The following CHPT1 variants were observed in gnomAD, a reference collection of about 807,000 sequenced individuals.
CHPT1 encodes the protein cholinephosphotransferase 1.
A neutral mutation model predicts 47.6 loss-of-function variants in CHPT1; 36 were observed. The observed-to-expected ratio is 0.76, with a 90% CI of 0.58 to 1.00. The LOEUF is 1.00. CHPT1 is among the 50% of genes least tolerant of loss of function. The probability of loss-of-function intolerance (pLI) is 0.00; values close to 1 mark genes in which losing one functional copy is unlikely to be tolerated. For synonymous variants in CHPT1, 194 were observed against 186.3 expected (o/e 1.04, Z -0.33); for missense variants, 458 against 498.1 (o/e 0.92, Z 0.77).
chr12:101,707,067 G>A (rs903196579), intron 1 of CHPT1, among the ~76,000 whole-genome samples: 1 of 152,170 alleles, frequency 6.6e-6, no homozygotes, highest in African/African-American at 2.4e-5. Flanking sequence ...TTTGTAGAAG[G>A]TGTATTTTTA....
At chr12:101,717,473 G>A (rs1217957761) in intron 4 of CHPT1, 1 of 307,368 alleles carries the variant, frequency 3.3e-6, no homozygotes, top group Non-Finnish European at 6.5e-6. Flanking sequence ...GATATCAATA[G>A]TCAACAACTA....
intron 8 of CHPT1, 69 bp from the exon 9 acceptor site, chr12:101,728,832 C>A (rs1952048918): frequency 1.3e-6 from 2 of 1,559,972 alleles, no homozygotes; most frequent in Non-Finnish European, 1.8e-6. Context: ...AAAGATGTTA[C>A]AATTAAACTA....
intron 5 of CHPT1, among the ~76,000 whole-genome samples, chr12:101,722,895 T>G (rs975337899): frequency 1.3e-5 from 2 of 152,152 alleles, no homozygotes; most frequent in Non-Finnish European, 2.9e-5. Context: ...TAAAAGTTGA[T>G]ATAGAATAAA....
At chr12:101,713,500 TG>T (rs1020253063) in intron 1 of CHPT1, among the ~76,000 whole-genome samples, 13 of 152,322 alleles carry the variant, frequency 8.5e-5, no homozygotes, top group African/African-American at 3.1e-4. Context: ...TCATGGGACC[TG>T]CACTGTGGCC....
At chr12:101,714,295 C>T in intron 2 of CHPT1, 58 bp downstream of exon 2, 4 of 1,452,844 alleles carry the variant, frequency 2.8e-6, no homozygotes, top group Non-Finnish European at 3.7e-6. Flanking sequence ...ATGAACTGAG[C>T]TGTTTGGTCA....
chr12:101,716,591 CA>C, intron 3 of CHPT1, 136 bp from the exon 4 acceptor site: 1 of 546,192 alleles, frequency 1.8e-6, no homozygotes, highest in Non-Finnish European at 3.2e-6. Flanking sequence ...ACTGATAATT[CA>C]ATAATGGAAG....
intron 1 of CHPT1, among the ~76,000 whole-genome samples, 154 bp from the exon 2 acceptor site, chr12:101,713,936 T>C (rs1420202782): frequency 6.6e-6 from 1 of 152,250 alleles, no homozygotes; most frequent in African/African-American, 2.4e-5. Context: ...AGCAGTTAAT[T>C]TGATTTCTCA....
At chr12:101,723,432 T>C (rs1951890428) in intron 6 of CHPT1, 106 bp downstream of exon 6, 1 of 729,930 alleles carries the variant, frequency 1.4e-6, no homozygotes, top group Non-Finnish European at 2.2e-6. Context: ...TAGTGTAAAA[T>C]CATAATAATT....
In CHPT1 at chr12:101,698,844, C is replaced by T. The variant is rs776411403; in HGVS notation, c.273+710C>T. Among the ~76,000 whole-genome samples, 4 of 152,086 alleles carry T rather than the reference C, an allele frequency of 2.6e-5. No homozygotes were observed. In the East Asian group the frequency reaches 5.8e-4, roughly 22 times the overall value. The stretch of plus-strand genomic sequence containing the variant: ...TTGGATAGCTGTTCATCAGAAGCAC[C>T]CTTTGGGCTGAGTGTGGAGGGATAG... On this transcript the variant is annotated intron_variant, in intron 1 of 8. Transcript: ENST00000229266.
At chr12:101,720,388 C>T in intron 5 of CHPT1, 134 bp downstream of exon 5, 1 of 755,060 alleles carries the variant, frequency 1.3e-6, no homozygotes, top group Non-Finnish European at 2.1e-6. Flanking sequence ...TCATTTTAGG[C>T]ACATAGTACA....
chr12:101,726,795 G>T, intron 8 of CHPT1: 1 of 231,376 alleles, frequency 4.3e-6, no homozygotes, highest in Middle Eastern at 1.4e-3. Flanking sequence ...CCATCTTGAG[G>T]GTGCTTACTT....
intron 7 of CHPT1, 109 bp downstream of exon 7, chr12:101,723,956 C>T (rs1012895772): frequency 2.6e-5 from 21 of 797,454 alleles, no homozygotes; most frequent in Non-Finnish European, 3.9e-5. Flanking sequence ...GTGACTCACG[C>T]CTGTAATCCC....
Position 101,725,114 on chromosome 12 carries a change from C to A in CHPT1, c.1066-1180C>A, listed in dbSNP as rs188812904. 4.4e-3 allele frequency among the ~76,000 whole-genome samples: 670 copies of A among 152,216 alleles called. 2 individuals carry two copies. The highest frequency in any genetic ancestry group is 0.034 in the Middle Eastern group (10 of 294). ...GTTAGAGTTGGATATTTAAAAAAAT[C>A]TGTATCTATTCTGTGCATGGATTAC... On this transcript the variant is annotated intron_variant, in intron 7 of 8. Coordinates refer to ENST00000229266, the MANE Select transcript of CHPT1 (RefSeq NM_020244.3).
chr12:101,725,468 T>A (rs1003903376), intron 7 of CHPT1, among the ~76,000 whole-genome samples: 2 of 152,140 alleles, frequency 1.3e-5, no homozygotes, highest in African/African-American at 4.8e-5. Context: ...AACTTAGGTA[T>A]GTATTACCAA....
intron 1 of CHPT1, among the ~76,000 whole-genome samples, chr12:101,707,604 G>T (rs376594890): frequency 6.6e-6 from 1 of 152,198 alleles, no homozygotes; most frequent in South Asian, 2.1e-4. Context: ...GAATGTAGGG[G>T]TGAGTGAGAA....
chr12:101,708,449 ATTAC>A (rs1276566933), intron 1 of CHPT1, among the ~76,000 whole-genome samples: 6 of 152,104 alleles, frequency 3.9e-5, no homozygotes, highest in Non-Finnish European at 2.9e-5. Flanking sequence ...TAGGGAAGCT[ATTAC>A]TTAAATTATG....
chr12:101,714,526 A>G lies in CHPT1; in HGVS notation c.444A>G (p.Ser148=), dbSNP rs761896589. The change falls in exon 3 of 9, where the codon TCA becomes TCG. Residue 148 remains serine, a synonymous_variant. Transcript: ENST00000229266. ...CAGTATTTATGGCAGTGGGAGCTTC[A>G]ATTGCCGCTCGCTTAGGAACTTATC... ...LSTVFMAVGA[S]IAARLGTYPD... is the part of the protein sequence containing the mutation. 6.2e-6 allele frequency: 10 copies of G among 1,604,032 alleles called. No homozygotes were observed. Among genetic ancestry groups the G allele is most frequent in the Non-Finnish European group, 8.5e-6 (10 of 1,177,196 alleles).
chr12:101,698,234 C>A (rs1951494637), intron 1 of CHPT1, 100 bp downstream of exon 1: 2 of 1,339,828 alleles, frequency 1.5e-6, no homozygotes, highest in Non-Finnish European at 1.9e-6. Context: ...CTGAGCCTCT[C>A]CCGGGCCCCG....
At chr12:101,721,080 GA>G (rs1951843006) in intron 5 of CHPT1, among the ~76,000 whole-genome samples, 1 of 151,974 alleles carries the variant, frequency 6.6e-6, no homozygotes, top group Admixed American at 6.6e-5. Flanking sequence ...TCAAGAGTTC[GA>G]GACCAGCCTG....
Sources: gnomAD v4.1 joint callset for allele counts (sites outside exome capture counted in the v4.1 genomes callset) on GRCh38, gnomAD v4.1.1 for gene constraint, MANE v1.5 for transcripts, NCBI Gene and HGNC (gene_info 2026-07-23, HGNC 2026-07-21) for gene names.